The following ZNF536 variants were observed in gnomAD, a reference collection of about 807,000 sequenced individuals.
The protein encoded by ZNF536 is zinc finger protein 536.
A neutral mutation model predicts 84.5 loss-of-function variants in ZNF536; 13 were observed. That is an observed-to-expected ratio of 0.15 (90% CI 0.10 to 0.24). ZNF536 has a LOEUF of 0.24. Among genes scored for constraint, ZNF536 ranks in the 10% least tolerant of loss-of-function variants. The pLI is 1.00. For synonymous variants in ZNF536, 811 were observed against 742.5 expected, an observed-to-expected ratio of 1.09 and a Z score of -1.50; for missense variants, 1,536 against 1,747.5, an observed-to-expected ratio of 0.88 and a Z score of 2.16.
intron 2 of ZNF536, among the ~76,000 whole-genome samples, chr19:30,484,838 G>A (rs2054237621): frequency 6.6e-6 from 1 of 151,886 alleles, no homozygotes; most frequent in South Asian, 2.1e-4. Context: ...TATAAGCTTT[G>A]TAGAGTAGAA....
chr19:30,507,088 G>GT (rs2055204944), intron 2 of ZNF536, among the ~76,000 whole-genome samples: 2 of 152,188 alleles, frequency 1.3e-5, no homozygotes, highest in Admixed American at 1.3e-4. Context: ...CTGGCTGGGC[G>GT]TGGTGGCTCA....
intron 1 of ZNF536, among the ~76,000 whole-genome samples, chr19:30,232,514 A>G (rs1408515784): frequency 2.6e-5 from 4 of 151,888 alleles, no homozygotes; most frequent in African/African-American, 7.3e-5. Context: ...GCTTCCACTT[A>G]TACATGAGAA....
intron 1 of ZNF536, among the ~76,000 whole-genome samples, chr19:30,611,718 A>G (rs2048111502): frequency 6.6e-6 from 1 of 152,196 alleles, no homozygotes; most frequent in South Asian, 2.1e-4. Context: ...TGAGTGTCAA[A>G]CAAAATGTGA....
chr19:30,662,962 C>CTTTTTTTTTTTTTTTT (rs951081577), intron 1 of ZNF536, among the ~76,000 whole-genome samples: 7 of 78,764 alleles, frequency 8.9e-5, no homozygotes, highest in Non-Finnish European at 1.3e-4. Context: ...TTTTTCGTTT[C>CTTTTTTTTTTTTTTTT]TTTTTTTTTT....
chr19:30,308,456 T>C (rs1012300317), intron 2 of ZNF536, among the ~76,000 whole-genome samples: 1 of 152,114 alleles, frequency 6.6e-6, no homozygotes, highest in Middle Eastern at 3.2e-3. Context: ...AAGGAGAAGA[T>C]TTTTTAAAGG....
chr19:30,434,810 G>A (rs1243385836), intron 1 of ZNF536, among the ~76,000 whole-genome samples: 1 of 152,134 alleles, frequency 6.6e-6, no homozygotes, highest in Admixed American at 6.5e-5. Context: ...TGGTGATGGT[G>A]ATGATGGTGG....
chr19:30,587,661 C>A (rs183831819), intron 1 of ZNF536, among the ~76,000 whole-genome samples: 1 of 152,320 alleles, frequency 6.6e-6, no homozygotes, highest in East Asian at 1.9e-4. Context: ...GACTTCATTC[C>A]CTGAAAGGAT....
At chr19:30,627,645 C>T (rs1267818250) in intron 1 of ZNF536, among the ~76,000 whole-genome samples, 2 of 152,220 alleles carry the variant, frequency 1.3e-5, no homozygotes, top group African/African-American at 4.8e-5. Flanking sequence ...AATAATGACA[C>T]TCAAGTTCTC....
At chr19:30,274,071 G>A (rs2025996548) in intron 1 of ZNF536, among the ~76,000 whole-genome samples, 1 of 152,104 alleles carries the variant, frequency 6.6e-6, no homozygotes, top group South Asian at 2.1e-4. Context: ...AAAGTAAAAA[G>A]TAAATGAGAT....
intron 2 of ZNF536, among the ~76,000 whole-genome samples, chr19:30,448,308 T>C (rs929194682): frequency 6.6e-6 from 1 of 152,204 alleles, no homozygotes; most frequent in Non-Finnish European, 1.5e-5. Context: ...CTTAACCAAA[T>C]CTGGTTAGTC....
At chr19:30,601,503 G>A (rs775623148) in intron 1 of ZNF536, among the ~76,000 whole-genome samples, 1 of 152,198 alleles carries the variant, frequency 6.6e-6, no homozygotes, top group Non-Finnish European at 1.5e-5. Flanking sequence ...TATGGCTTCA[G>A]GGACTGCAGG....
intron 2 of ZNF536, among the ~76,000 whole-genome samples, chr19:30,513,962 C>T (rs78350278): frequency 1.3e-3 from 201 of 152,206 alleles, no homozygotes; most frequent in African/African-American, 4.6e-3. Flanking sequence ...GTGAGGGGCA[C>T]GTTGGGTGCT....
chr19:30,641,076 T>C (rs917705915), intron 1 of ZNF536, among the ~76,000 whole-genome samples: 9 of 152,242 alleles, frequency 5.9e-5, no homozygotes, highest in Non-Finnish European at 1.2e-4. Flanking sequence ...ATTTCAAGTA[T>C]AAAATATTTA....
At chr19:30,252,370 C>T (rs183518186) in intron 1 of ZNF536, among the ~76,000 whole-genome samples, 5 of 152,258 alleles carry the variant, frequency 3.3e-5, no homozygotes, top group African/African-American at 1.2e-4. Flanking sequence ...GGCTGGGGAC[C>T]GCACTCCTAG....
chr19:30,579,448 G>A (rs1234936549), intron 1 of ZNF536, among the ~76,000 whole-genome samples: 1 of 152,188 alleles, frequency 6.6e-6, no homozygotes, highest in Non-Finnish European at 1.5e-5. Flanking sequence ...TTTGACTGGG[G>A]TTCCTTAGTT....
At chr19:30,638,128 C>G (rs1198706052) in intron 1 of ZNF536, among the ~76,000 whole-genome samples, 1 of 152,072 alleles carries the variant, frequency 6.6e-6, no homozygotes, top group Non-Finnish European at 1.5e-5. Flanking sequence ...TGCTTCTGGT[C>G]TCTGGGAAAC....
intron 1 of ZNF536, among the ~76,000 whole-genome samples, chr19:30,688,376 A>G (rs2051280694): frequency 6.6e-6 from 1 of 152,112 alleles, no homozygotes; most frequent in Admixed American, 6.5e-5. Context: ...ACTTTTGTAA[A>G]TGTCAGCTGA....
intron 2 of ZNF536, among the ~76,000 whole-genome samples, chr19:30,335,187 G>A (rs2047342134): frequency 2.0e-5 from 3 of 152,218 alleles, no homozygotes; most frequent in Admixed American, 1.3e-4. Context: ...ACAAGCCTGA[G>A]AGCCTGGCTG....
chr19:30,579,279 C>T (rs1033459743), intron 1 of ZNF536, among the ~76,000 whole-genome samples: 11 of 152,186 alleles, frequency 7.2e-5, no homozygotes, highest in African/African-American at 2.7e-4. Flanking sequence ...GTGTTACAAA[C>T]TTAGTGGGTA....
Sources: gnomAD v4.1 joint callset for allele counts (sites outside exome capture counted in the v4.1 genomes callset) on GRCh38, gnomAD v4.1.1 for gene constraint, MANE v1.5 for transcripts, NCBI Gene and HGNC (gene_info 2026-07-23, HGNC 2026-07-21) for gene names.